Variants in MRGPRX3 observed in about 807,000 individuals in gnomAD.
MRGPRX3 encodes the protein mas-related G protein-coupled receptor member X3.
A neutral mutation model predicts 16.5 loss-of-function variants in MRGPRX3; 14 were observed. The observed-to-expected ratio is 0.85, with a 90% CI of 0.56 to 1.33. MRGPRX3 has a LOEUF of 1.33. Ranked by LOEUF, MRGPRX3 falls within the 40% of genes most tolerant of loss-of-function variation. MRGPRX3 has a pLI of 0.00. For synonymous variants in MRGPRX3, 199 were observed against 180.1 expected (o/e 1.10, Z -0.84); for missense variants, 449 against 413.0 (o/e 1.09, Z -0.76).
upstream of MRGPRX3, among the ~76,000 whole-genome samples, chr11:18,132,070 T>G (rs1213899771): frequency 4.6e-5 from 7 of 152,104 alleles, no homozygotes; most frequent in African/African-American, 1.4e-4. Context: ...AAAATAATAA[T>G]AATAAATGAT....
At chr11:18,125,352 T>G (rs996446388) in intron 1 of MRGPRX3, among the ~76,000 whole-genome samples, 1 of 152,220 alleles carries the variant, frequency 6.6e-6, no homozygotes, top group Non-Finnish European at 1.5e-5. Context: ...CTCTACACAC[T>G]GCTTTGGGTG....
intron 1 of MRGPRX3, among the ~76,000 whole-genome samples, chr11:18,136,471 A>T (rs548898645): frequency 3.9e-5 from 6 of 152,338 alleles, no homozygotes; most frequent in African/African-American, 1.4e-4. Context: ...AATTCTGATG[A>T]ATGAAATTTT....
At position 18,137,606 on chromosome 11, in the gene MRGPRX3, C is replaced by T. The variant is rs762421702; in HGVS notation, c.404C>T (p.Pro135Leu). ...CCCATCTGGTACCACTGCCGCCGCC[C>T]CAGATACCTGTCATCAGTCATGTGT... is the stretch of plus-strand genomic sequence containing the variant. ...LWPIWYHCRRPRYLSSVMCVL... is the reference protein window; with the variant it reads ...LWPIWYHCRRLRYLSSVMCVL... Residue 135 changes from proline to leucine, a missense_variant, in exon 2 of 2, where the codon CCC becomes CTC. By Grantham distance (98) the Pro-to-Leu change is moderately conservative. Transcript: ENST00000621697. The T allele has an allele frequency of 6.2e-7, 1 of 1,614,134 alleles. No homozygotes were observed. Among genetic ancestry groups the T allele is most frequent in the South Asian group, 1.1e-5 (1 of 91,066 alleles).
chr11:18,138,005 A>G lies in MRGPRX3; in HGVS notation c.803A>G (p.Asn268Ser). The change falls in exon 2 of 2, where the codon AAC becomes AGC. Residue 268 changes from asparagine to serine, a missense_variant. Asn to Ser is a conservative substitution (Grantham distance 46). Coordinates refer to ENST00000621697, the MANE Select transcript of MRGPRX3 (RefSeq NM_001370464.1). ...CTGTCCGCTCTTAACAGCAGTGCCA[A>G]CCCCATCATTTACTTCTTCGTGGGC... is the stretch of plus-strand genomic sequence containing the variant. ...IFLSALNSSA[N>S]PIIYFFVGSF... 2 of 1,613,982 alleles carry G rather than the reference A, an allele frequency of 1.2e-6. No homozygotes were observed. The highest frequency in any genetic ancestry group is 1.7e-6 in the Non-Finnish European group (2 of 1,179,994).
At chr11:18,126,176 C>A (rs1410049193) in intron 1 of MRGPRX3, among the ~76,000 whole-genome samples, 3 of 152,162 alleles carry the variant, frequency 2.0e-5, no homozygotes, top group Non-Finnish European at 4.4e-5. Context: ...TTAATTGGAG[C>A]ATTTAGCCCA....
chr11:18,129,447 T>C (rs998738820), upstream of MRGPRX3, among the ~76,000 whole-genome samples: 7 of 152,186 alleles, frequency 4.6e-5, no homozygotes, highest in Admixed American at 1.3e-4. Context: ...AGGTTATGCA[T>C]AAATTCCTGG....
At chr11:18,125,404 G>C (rs556912064) in intron 1 of MRGPRX3, among the ~76,000 whole-genome samples, 1 of 152,214 alleles carries the variant, frequency 6.6e-6, no homozygotes, top group South Asian at 2.1e-4. Context: ...GTTCTCGTTG[G>C]TTTCAAAGAA....
intron 1 of MRGPRX3, among the ~76,000 whole-genome samples, chr11:18,136,579 A>C (rs1278259978): frequency 6.6e-6 from 1 of 152,186 alleles, no homozygotes; most frequent in African/African-American, 2.4e-5. Flanking sequence ...TAGGCTTCTC[A>C]TGCATGCATT....
intron 1 of MRGPRX3, among the ~76,000 whole-genome samples, chr11:18,124,150 T>C (rs2134079088): frequency 6.6e-6 from 1 of 152,330 alleles, no homozygotes; most frequent in East Asian, 1.9e-4. Flanking sequence ...ACAGTTTGAC[T>C]TCCTCTTTTC....
chr11:18,127,846 T>C (rs1848918009), upstream of MRGPRX3, among the ~76,000 whole-genome samples: 1 of 152,242 alleles, frequency 6.6e-6, no homozygotes, highest in Admixed American at 6.5e-5. Flanking sequence ...GGAGAGGTGC[T>C]CTGATTTTTA....
At chr11:18,129,922 C>T (rs1564880458), upstream of MRGPRX3, among the ~76,000 whole-genome samples, 1 of 152,100 alleles carries the variant, frequency 6.6e-6, no homozygotes, top group Admixed American at 6.5e-5. Flanking sequence ...GAATTAAAAA[C>T]AAAAATCACA....
chr11:18,130,804 C>T (rs1848954320), upstream of MRGPRX3, among the ~76,000 whole-genome samples: 1 of 151,602 alleles, frequency 6.6e-6, no homozygotes, highest in South Asian at 2.1e-4. Flanking sequence ...CTATAATCAC[C>T]AAAACATCAT....
At chr11:18,123,359 T>C (rs1210674664) in intron 1 of MRGPRX3, among the ~76,000 whole-genome samples, 2 of 152,200 alleles carry the variant, frequency 1.3e-5, no homozygotes, top group African/African-American at 4.8e-5. Context: ...TGAATTAATT[T>C]TTGTGTAAGG....
chr11:18,137,271 C>T lies in MRGPRX3; in HGVS notation c.69C>T (p.Cys23=), dbSNP rs200552961. The change falls in exon 2 of 2, where the codon TGC becomes TGT. Residue 23 remains cysteine, a synonymous_variant. Transcript: ENST00000621697. ...TPINGREETP[C]YKQTLSFTGL... The stretch of plus-strand genomic sequence containing the variant: ...TCAACGGACGTGAGGAGACTCCTTG[C>T]TACAAGCAGACCCTGAGCTTCACGG... 1.2e-6 allele frequency: 2 copies of T among 1,613,932 alleles called. No individual in the cohort carries two copies. Among genetic ancestry groups the T allele is most frequent in the African/African-American group, 1.3e-5 (1 of 74,906 alleles).
upstream of MRGPRX3, among the ~76,000 whole-genome samples, chr11:18,129,959 G>A (rs1445852372): frequency 6.6e-6 from 1 of 152,088 alleles, no homozygotes; most frequent in Non-Finnish European, 1.5e-5. Context: ...TGCTGAAAAA[G>A]CATTTGACAA....
intron 1 of MRGPRX3, among the ~76,000 whole-genome samples, chr11:18,133,623 A>G (rs992221213): frequency 6.6e-6 from 1 of 152,120 alleles, no homozygotes; most frequent in Non-Finnish European, 1.5e-5. Flanking sequence ...TCACCATGTG[A>G]GACGCCTCGC....
chr11:18,128,313 A>G (rs1281413079), upstream of MRGPRX3, among the ~76,000 whole-genome samples: 1 of 152,350 alleles, frequency 6.6e-6, no homozygotes, highest in East Asian at 1.9e-4. Flanking sequence ...GCTGTCAGAC[A>G]GGGACATTTA....
At chr11:18,128,982 T>C (rs1848932496), upstream of MRGPRX3, among the ~76,000 whole-genome samples, 1 of 152,204 alleles carries the variant, frequency 6.6e-6, no homozygotes, top group Admixed American at 6.5e-5. Flanking sequence ...ATTTAAAAAT[T>C]CTATAAACTG....
At position 18,137,780 on chromosome 11, in the gene MRGPRX3, G is replaced by T. The variant is rs201719957; in HGVS notation, c.578G>T (p.Gly193Val). ...GTTTTTTTATGTGTGGTTCTCTGTG[G>T]GTCCAGCCTGGTCCTGCTGGTCAGG... ...WLVFLCVVLCGSSLVLLVRIL... is the reference protein window; with the variant it reads ...WLVFLCVVLCVSSLVLLVRIL... The change falls in exon 2 of 2, where the codon GGG (glycine) becomes GTG (valine). Residue 193 changes from glycine (G) to valine (V), a missense_variant. Gly to Val is a moderately radical substitution (Grantham distance 109, BLOSUM62 -3). Coordinates refer to ENST00000621697, the MANE Select transcript of MRGPRX3 (RefSeq NM_001370464.1). 1.4e-5 allele frequency: 23 copies of T among 1,613,848 alleles called. No individual in the cohort carries two copies. The highest frequency in any genetic ancestry group is 4.0e-5 in the African/African-American group (3 of 74,806).
Sources: gnomAD v4.1 joint callset for allele counts (sites outside exome capture counted in the v4.1 genomes callset) on GRCh38, gnomAD v4.1.1 for gene constraint, MANE v1.5 for transcripts, NCBI Gene and HGNC (gene_info 2026-07-23, HGNC 2026-07-21) for gene names.